TRMT11: variants seen among roughly 807,000 people sequenced by gnomAD.
TRMT11 encodes tRNA methyltransferase 11, also known as tRNA (guanine(10)-N(2))-methyltransferase TRMT11.
TRMT11 carries 53 observed loss-of-function variants against 62.8 expected under a neutral mutation model. The ratio of observed to expected loss-of-function variants is 0.84; its 90% CI spans 0.68 to 1.06. The LOEUF is 1.06. TRMT11 is among the 50% of genes least tolerant of loss of function. The probability of loss-of-function intolerance (pLI) is 0.00; values close to 1 mark genes in which losing one functional copy is unlikely to be tolerated. For missense variants in TRMT11, 556 were observed against 553.4 expected, an observed-to-expected ratio of 1.00 and a Z score of -0.05; for synonymous variants, 188 against 190.3, an observed-to-expected ratio of 0.99 and a Z score of 0.10.
At chr6:126,240,366 G>A in the TRMT11 span, among the ~76,000 whole-genome samples, 1 of 152,110 alleles carries the variant, frequency 6.6e-6, no homozygotes, top group African/African-American at 2.4e-5. Context: ...TTTGATGATA[G>A]TGACGTACAG....
chr6:126,208,591 A>G (rs952511547), downstream of TRMT11, among the ~76,000 whole-genome samples: 1 of 152,242 alleles, frequency 6.6e-6, no homozygotes, highest in African/African-American at 2.4e-5. Context: ...GATAGATGAA[A>G]GGACTGAGAG....
At chr6:126,026,676 C>G (rs147128712) in intron 12 of TRMT11, among the ~76,000 whole-genome samples, 1 of 152,002 alleles carries the variant, frequency 6.6e-6, no homozygotes, top group South Asian at 2.1e-4. Context: ...CGAGCCATCG[C>G]GCCCGGCTCT....
intron 21 of TRMT11, among the ~76,000 whole-genome samples, chr6:126,163,414 T>G (rs1261633244): frequency 1.3e-5 from 2 of 152,204 alleles, no homozygotes; most frequent in Non-Finnish European, 2.9e-5. Flanking sequence ...GACTTGATCA[T>G]GGTGGATAAG....
exon 18 of TRMT11, among the ~76,000 whole-genome samples, chr6:126,112,867 G>T (rs1777548006): frequency 6.6e-6 from 1 of 151,680 alleles, no homozygotes; most frequent in Non-Finnish European, 1.5e-5. Flanking sequence ...TTATTATAGG[G>T]AAAAGAAACC....
the TRMT11 span, among the ~76,000 whole-genome samples, chr6:126,262,745 A>G: frequency 6.6e-6 from 1 of 152,060 alleles, no homozygotes; most frequent in Non-Finnish European, 1.5e-5. Flanking sequence ...TCCAACTTAC[A>G]TTTTCCCTGT....
At chr6:126,004,697 G>T (rs961877251) in intron 7 of TRMT11, among the ~76,000 whole-genome samples, 1 of 151,916 alleles carries the variant, frequency 6.6e-6, no homozygotes, top group Non-Finnish European at 1.5e-5. Context: ...AAATTCATGT[G>T]TCTAATCCCC....
chr6:126,126,515 G>C lies in TRMT11; in HGVS notation c.*1823+10660G>C, dbSNP rs557472270. On this transcript the variant is annotated intron_variant and NMD_transcript_variant, in intron 21 of 22. Coordinates refer to the TRMT11 transcript ENST00000648977. The stretch of plus-strand genomic sequence containing the variant: ...GCTCTCTTGGTCTACAGCCTCCTCT[G>C]AATTGCTTCTGCCCTGTTTTCACTT... Among the ~76,000 whole-genome samples the C allele has an allele frequency of 7.9e-5, 12 of 152,168 alleles. 1 individual carries two copies. The South Asian group carries it at 2.5e-3, about 32-fold the overall frequency.
At chr6:126,243,012 A>G in the TRMT11 span, among the ~76,000 whole-genome samples, 1 of 152,214 alleles carries the variant, frequency 6.6e-6, no homozygotes, top group East Asian at 1.9e-4. Context: ...ACAGAGTGGG[A>G]TAAAATTTTT....
rs567741808 is a variant in TRMT11 at position 125,998,244 on chromosome 6, T to G, written c.316T>G (p.Ser106Ala). The part of the protein sequence containing the change: ...EKMVPFLHSD[S>A]TYKIKIHTFN... ...TTAGGTTCCATTTCTACATTCGGACTCTACATATAAAATAAAGATTCACAC... is the reference window on the plus strand; with the variant it reads ...TTAGGTTCCATTTCTACATTCGGACGCTACATATAAAATAAAGATTCACAC... Residue 106 changes from serine to alanine, a missense_variant, in exon 5 of 13, where the codon TCT becomes GCT. Ser to Ala is a moderately conservative substitution (Grantham distance 99, BLOSUM62 1). Coordinates refer to ENST00000334379, the MANE Select transcript of TRMT11 (RefSeq NM_001031712.3). 1.9e-6 allele frequency: 3 copies of G among 1,601,282 alleles called. No individual in the cohort carries two copies. Among genetic ancestry groups the G allele is most frequent in the African/African-American group, 2.7e-5 (2 of 74,666 alleles).
At chr6:126,060,512 C>T (rs1279420229) in intron 17 of TRMT11, among the ~76,000 whole-genome samples, 1 of 152,148 alleles carries the variant, frequency 6.6e-6, no homozygotes, top group East Asian at 1.9e-4. Context: ...TTGACTCTGC[C>T]CTCTCTCCAG....
chr6:126,241,480 A>G, the TRMT11 span, among the ~76,000 whole-genome samples: 1 of 152,204 alleles, frequency 6.6e-6, no homozygotes, highest in South Asian at 2.1e-4. Flanking sequence ...AGCCTGGCAG[A>G]GACACAACAA....
rs181077596 is a variant in TRMT11, at chr6:126,017,432, A to G, written c.1140-3728A>G. 3.9e-5 allele frequency among the ~76,000 whole-genome samples: 6 copies of G among 152,348 alleles called. No homozygotes were observed. In the East Asian group the frequency reaches 7.7e-4, roughly 20 times the overall value. On this transcript the variant is annotated intron_variant, in intron 11 of 12. Coordinates refer to ENST00000334379, the MANE Select transcript of TRMT11 (RefSeq NM_001031712.3). ...GATTTTCTCACTGTTTGACAATTTA[A>G]ATTGCAGTAAAGAAACTGCTACTCA...
chr6:126,070,390 C>T (rs1018505024), intron 17 of TRMT11, among the ~76,000 whole-genome samples: 2 of 152,190 alleles, frequency 1.3e-5, no homozygotes, highest in Admixed American at 6.5e-5. Context: ...CTGGTACTCT[C>T]ACACATTTCT....
At chr6:126,069,259 T>C (rs1271270101) in intron 17 of TRMT11, among the ~76,000 whole-genome samples, 1 of 152,196 alleles carries the variant, frequency 6.6e-6, no homozygotes, top group Admixed American at 6.5e-5. Flanking sequence ...GCTTTGGAGT[T>C]TGTGATCAGG....
intron 21 of TRMT11, among the ~76,000 whole-genome samples, chr6:126,153,044 T>C (rs1170908106): frequency 6.6e-6 from 1 of 152,198 alleles, no homozygotes. Flanking sequence ...ATTTTCACAA[T>C]TCCAGATAAT....
downstream of TRMT11, among the ~76,000 whole-genome samples, chr6:126,039,931 C>G (rs1265275171): frequency 1.3e-5 from 2 of 152,072 alleles, no homozygotes; most frequent in East Asian, 1.9e-4. Flanking sequence ...CTGCTTTGCT[C>G]TCTTTTTCTT....
At chr6:126,230,580 T>A in the TRMT11 span, among the ~76,000 whole-genome samples, 9 of 152,210 alleles carry the variant, frequency 5.9e-5, no homozygotes, top group African/African-American at 2.2e-4. Context: ...TTCAGCAATA[T>A]TTTCTATGCA....
At chr6:126,007,792 A>G (rs1159453355) in intron 7 of TRMT11, among the ~76,000 whole-genome samples, 1 of 152,016 alleles carries the variant, frequency 6.6e-6, no homozygotes, top group Non-Finnish European at 1.5e-5. Flanking sequence ...TGCATGTTTG[A>G]TAATAGTTAC....
chr6:126,025,577 G>T (rs1772905071), intron 12 of TRMT11, among the ~76,000 whole-genome samples: 1 of 152,086 alleles, frequency 6.6e-6, no homozygotes, highest in South Asian at 2.1e-4. Context: ...ATCATGTTTG[G>T]TTTTTAATTA....
Sources: allele counts gnomAD v4.1 joint callset (sites outside exome capture counted in the v4.1 genomes callset), GRCh38; gene constraint gnomAD v4.1.1; transcripts MANE v1.5; gene names NCBI Gene and HGNC (gene_info 2026-07-23, HGNC 2026-07-21).